UNG: variants seen among roughly 807,000 people sequenced by gnomAD.
UNG encodes the protein uracil DNA glycosylase, also known as uracil-DNA glycosylase.
In UNG, 34 loss-of-function variants were observed where a neutral mutation model predicts 36.5. The ratio of observed to expected loss-of-function variants is 0.93; its 90% CI spans 0.71 to 1.24. The LOEUF (loss-of-function observed/expected upper bound fraction) is 1.24. UNG is among the 50% of genes most tolerant of loss of function. The probability of loss-of-function intolerance (pLI) is 0.00; values close to 1 mark genes in which losing one functional copy is unlikely to be tolerated. For missense variants in UNG, 391 were observed against 397.6 expected (o/e 0.98, Z 0.14); for synonymous variants, 172 against 157.8 (o/e 1.09, Z -0.67).
At chr12:109,098,175 C>T (rs1025746841) in intron 1 of UNG, 3 of 1,417,558 alleles carry the variant, frequency 2.1e-6, no homozygotes, top group Non-Finnish European at 2.8e-6. Context: ...CACCTCTGTG[C>T]AGGGTTCCCA....
intron 1 of UNG, chr12:109,098,200 C>A: frequency 1.4e-6 from 2 of 1,435,824 alleles, no homozygotes; most frequent in East Asian, 2.5e-5. Flanking sequence ...CCGCGACGCT[C>A]CTCGGGAAGC....
At chr12:109,097,983 G>C (rs1362356207) in intron 1 of UNG, 172 bp downstream of exon 1, 3 of 1,259,712 alleles carry the variant, frequency 2.4e-6, no homozygotes, top group Admixed American at 6.0e-5. Context: ...GGGCCGCCAT[G>C]CTAAAGGGCC....
chr12:109,097,833 G>A (rs1252886348), intron 1 of UNG, 22 bp downstream of exon 1: 4 of 1,520,362 alleles, frequency 2.6e-6, no homozygotes, highest in African/African-American at 2.8e-5. Context: ...CTTGGGCCGG[G>A]GCTAGGGGGT....
chr12:109,100,942 A>G (rs955994790), intron 3 of UNG, among the ~76,000 whole-genome samples: 1 of 151,982 alleles, frequency 6.6e-6, no homozygotes, highest in Non-Finnish European at 1.5e-5. Context: ...GAGGCGGCCT[A>G]TGTTTCAACA....
intron 4 of UNG, 31 bp from the exon 5 acceptor site, chr12:109,102,808 G>GTT: frequency 1.9e-6 from 3 of 1,549,436 alleles, no homozygotes; most frequent in South Asian, 1.1e-5. Context: ...TTAAGATTCT[G>GTT]TTTTTTGTTT....
rs1242721182 is a variant in UNG at position 109,102,858 on chromosome 12, G to A, written c.553G>A (p.Glu185Lys). ...TTTCAGTTTGGAGAACATTTATAAAGAGTTGTCTACAGACATAGAGGATTT... is the reference window on the plus strand; with the variant it reads ...TTTCAGTTTGGAGAACATTTATAAAAAGTTGTCTACAGACATAGAGGATTT... ...PPPSLENIYK[E>K]LSTDIEDFVH... The change falls in exon 5 of 7, where the codon GAG becomes AAG. Residue 185 changes from glutamate to lysine, a missense_variant. Glu to Lys is a moderately conservative substitution (Grantham distance 56). Coordinates refer to ENST00000242576, the MANE Select transcript of UNG (RefSeq NM_080911.3). The A allele has an allele frequency of 6.2e-7, 1 of 1,612,360 alleles. No homozygotes were observed. Among genetic ancestry groups the A allele is most frequent in the Admixed American group, 1.7e-5 (1 of 59,928 alleles).
Position 109,098,061 on chromosome 12 carries a change from G to A in UNG, c.132+250G>A, listed in dbSNP as rs1425085571. On this transcript the variant is annotated intron_variant, in intron 1 of 6. Coordinates refer to ENST00000242576, the MANE Select transcript of UNG (RefSeq NM_080911.3). ...GCGCCGCAGGCCCTCCTGGCTCGGT[G>A]CGCTGTCCAATCAGAGGGGAGAGGG... 10 of 1,380,042 alleles carry A rather than the reference G, an allele frequency of 7.2e-6. No individual in the cohort carries two copies. In the African/African-American group the frequency reaches 8.9e-5, roughly 12 times the overall value. The allele number at this position is 1,380,042 out of a possible 1,614,324, so 85.5% of individuals were successfully genotyped here.
rs2042159534 is a variant in UNG, at chr12:109,099,310, T to C, written c.435+26T>C. 1.9e-6 allele frequency: 3 copies of C among 1,589,802 alleles called. No homozygotes were observed. In the South Asian group the frequency reaches 3.3e-5, roughly 18 times the overall value. ...GTAAGTACAACTTGTTGATAATTTT[T>C]ATTGGGGAGAAGGAGTCAAATAGTA... On this transcript the variant is annotated intron_variant, in intron 3 of 6. Transcript: ENST00000242576.
rs1169246982 is a variant in UNG at position 109,108,083 on chromosome 12, G to A, written c.802-1746G>A. 3.3e-5 allele frequency among the ~76,000 whole-genome samples: 5 copies of A among 152,050 alleles called. No homozygotes were observed. In the South Asian group the frequency reaches 8.3e-4, roughly 25 times the overall value. On this transcript the variant is annotated intron_variant, in intron 6 of 6. Coordinates refer to ENST00000242576, the MANE Select transcript of UNG (RefSeq NM_080911.3). The stretch of plus-strand genomic sequence containing the variant: ...CATCTCATCAGTATATTTATCTTTC[G>A]CATGTTTTTCTAGGAGTTATGTGGT...
At position 109,103,610 on chromosome 12, in the gene UNG, G is replaced by A; in HGVS notation, c.800G>A (p.Arg267Lys). The A allele has an allele frequency of 1.2e-6, 2 of 1,610,798 alleles. No individual in the cohort carries two copies. Among genetic ancestry groups the A allele is most frequent in the Non-Finnish European group, 8.5e-7 (1 of 1,178,824 alleles). ...CAGAAGAAGGGCAGTGCCATTGATAGGGTATGTTTTGTTTTCTTTCTTTTT... is the reference window on the plus strand; with the variant it reads ...CAGAAGAAGGGCAGTGCCATTGATAAGGTATGTTTTGTTTTCTTTCTTTTT... ...YAQKKGSAID[R>K]KRHHVLQTAH... The change falls in exon 6 of 7, where the codon AGG (arginine) becomes AAG (lysine). Residue 267 changes from arginine to lysine, a missense_variant and splice_region_variant. Coordinates refer to ENST00000242576, the MANE Select transcript of UNG (RefSeq NM_080911.3).
At chr12:109,104,698 TA>T (rs1277913397) in intron 6 of UNG, among the ~76,000 whole-genome samples, 17 of 150,964 alleles carry the variant, frequency 1.1e-4, no homozygotes, top group Non-Finnish European at 1.9e-4. Flanking sequence ...GAGGGAGAGA[TA>T]GGGGGTGGGA....
intron 6 of UNG, among the ~76,000 whole-genome samples, chr12:109,107,725 A>G (rs997544208): frequency 3.3e-5 from 5 of 150,502 alleles, no homozygotes; most frequent in Non-Finnish European, 5.9e-5. Context: ...GAGTTTCTTC[A>G]TGTTGGTCAG....
chr12:109,108,352 G>A (rs1289241621), intron 6 of UNG, among the ~76,000 whole-genome samples: 1 of 151,878 alleles, frequency 6.6e-6, no homozygotes, highest in East Asian at 1.9e-4. Context: ...AGGGTCTCTT[G>A]GCTGGGAGCA....
At chr12:109,099,805 G>A (rs1036623872) in intron 3 of UNG, among the ~76,000 whole-genome samples, 2 of 152,152 alleles carry the variant, frequency 1.3e-5, no homozygotes, top group Admixed American at 6.5e-5. Flanking sequence ...GGCTGGGCAC[G>A]GTGGCTCATG....
At chr12:109,104,108 G>A (rs2042199820) in intron 6 of UNG, among the ~76,000 whole-genome samples, 1 of 151,546 alleles carries the variant, frequency 6.6e-6, no homozygotes, top group South Asian at 2.1e-4. Flanking sequence ...TAGTGCAGTG[G>A]TATGATTTTG....
chr12:109,109,851 C>G lies in UNG; in HGVS notation c.824C>G (p.Thr275Arg). ...CAGAAGCGGCACCATGTACTACAGA[C>G]GGCTCATCCCTCCCCTTTGTCAGTG... ...IDRKRHHVLQ[T>R]AHPSPLSVYR... Residue 275 changes from threonine to arginine, a missense_variant, in exon 7 of 7, where the codon ACG becomes AGG. Thr to Arg is a moderately conservative substitution (Grantham distance 71). Transcript: ENST00000242576. 21 of 1,613,916 alleles carry G rather than the reference C, an allele frequency of 1.3e-5. No individual in the cohort carries two copies. Among genetic ancestry groups the G allele is most frequent in the Non-Finnish European group, 1.7e-5 (20 of 1,179,992 alleles).
intron 6 of UNG, among the ~76,000 whole-genome samples, 173 bp from the exon 7 acceptor site, chr12:109,109,656 G>A (rs113371964): frequency 1.3e-5 from 2 of 151,136 alleles, no homozygotes; most frequent in Admixed American, 1.3e-4. Context: ...GGTGGCACGC[G>A]CCTGTAGTCC....
chr12:109,100,761 T>C (rs1366131861), intron 3 of UNG, among the ~76,000 whole-genome samples: 2 of 152,178 alleles, frequency 1.3e-5, no homozygotes, highest in African/African-American at 4.8e-5. Flanking sequence ...GTTGGCATGG[T>C]GTGAACACCA....
chr12:109,104,636 A>G (rs916821486), intron 6 of UNG, among the ~76,000 whole-genome samples: 1 of 152,090 alleles, frequency 6.6e-6, no homozygotes, highest in Admixed American at 6.6e-5. Context: ...TTTCTCCAGG[A>G]GAACCGTGAT....
Sources: allele counts gnomAD v4.1 joint callset (sites outside exome capture counted in the v4.1 genomes callset), GRCh38; gene constraint gnomAD v4.1.1; transcripts MANE v1.5; gene names NCBI Gene and HGNC (gene_info 2026-07-23, HGNC 2026-07-21).